Variants in NTNG1 observed in about 807,000 individuals in gnomAD.
The protein encoded by NTNG1 is netrin-G1.
A neutral mutation model predicts 54.0 loss-of-function variants in NTNG1; 16 were observed. The ratio of observed to expected loss-of-function variants is 0.30; its 90% CI spans 0.20 to 0.45. The LOEUF is 0.45. Among genes scored for constraint, NTNG1 ranks in the 20% least tolerant of loss-of-function variants. NTNG1 has a pLI of 1.00. For missense variants in NTNG1, 530 were observed against 678.7 expected (o/e 0.78, Z 2.43); for synonymous variants, 255 against 263.1 (o/e 0.97, Z 0.30).
At chr1:107,242,414 C>T (rs1296250737) in intron 2 of NTNG1, among the ~76,000 whole-genome samples, 1 of 152,170 alleles carries the variant, frequency 6.6e-6, no homozygotes, top group Non-Finnish European at 1.5e-5. Context: ...TATATCCAAA[C>T]ACCGTCTAAC....
At chr1:107,331,982 TAATTAAA>T (rs1668308903) in intron 3 of NTNG1, among the ~76,000 whole-genome samples, 1 of 152,088 alleles carries the variant, frequency 6.6e-6, no homozygotes, top group Non-Finnish European at 1.5e-5. Flanking sequence ...ATGGTAATCA[TAATTAAA>T]AATTAAAAAC....
chr1:107,169,938 G>A (rs1039256524), intron 2 of NTNG1, among the ~76,000 whole-genome samples: 1 of 152,192 alleles, frequency 6.6e-6, no homozygotes. Context: ...GACTAAAGCT[G>A]CTGTCCACAG....
At chr1:107,381,554 A>G (rs1029176593) in intron 3 of NTNG1, among the ~76,000 whole-genome samples, 6 of 152,178 alleles carry the variant, frequency 3.9e-5, no homozygotes, top group Non-Finnish European at 7.3e-5. Context: ...AGGCCAGGCC[A>G]TAAGTTGCAG....
intron 2 of NTNG1, among the ~76,000 whole-genome samples, chr1:107,185,507 G>T (rs192432988): frequency 6.6e-6 from 1 of 152,064 alleles, no homozygotes; most frequent in East Asian, 1.9e-4. Context: ...TTGGAATTAG[G>T]GTCCATCCTA....
chr1:107,251,428 A>T (rs977742613), intron 2 of NTNG1, among the ~76,000 whole-genome samples: 3 of 152,128 alleles, frequency 2.0e-5, no homozygotes, highest in Non-Finnish European at 4.4e-5. Flanking sequence ...TTAAATTGGA[A>T]TCACCATTCT....
intron 4 of NTNG1, among the ~76,000 whole-genome samples, chr1:107,399,122 C>T (rs1271853869): frequency 6.7e-6 from 1 of 149,646 alleles, no homozygotes; most frequent in African/African-American, 2.4e-5. Context: ...ATACTATAGA[C>T]TATTCATATT....
chr1:107,387,214 G>A (rs1260608496), intron 3 of NTNG1, among the ~76,000 whole-genome samples: 1 of 152,184 alleles, frequency 6.6e-6, no homozygotes, highest in African/African-American at 2.4e-5. Flanking sequence ...TTGTATGAAT[G>A]CACCAATTAG....
intron 2 of NTNG1, among the ~76,000 whole-genome samples, chr1:107,323,376 T>A (rs1557898820): frequency 6.6e-6 from 1 of 152,146 alleles, no homozygotes. Context: ...TGTTGTAACT[T>A]GTAATATAAC....
At chr1:107,461,383 G>C (rs1677271271) in intron 7 of NTNG1, among the ~76,000 whole-genome samples, 1 of 152,190 alleles carries the variant, frequency 6.6e-6, no homozygotes, top group South Asian at 2.1e-4. Context: ...AGGCAGGAAG[G>C]AGCTGGGCCA....
At chr1:107,352,058 C>T (rs1669649447) in intron 3 of NTNG1, among the ~76,000 whole-genome samples, 1 of 152,278 alleles carries the variant, frequency 6.6e-6, no homozygotes. Flanking sequence ...CCATGGGCAG[C>T]TCCATCTTTG....
chr1:107,472,538 G>A (rs556905548), intron 7 of NTNG1, among the ~76,000 whole-genome samples: 5 of 152,218 alleles, frequency 3.3e-5, no homozygotes, highest in African/African-American at 9.6e-5. Context: ...TTGGACAAAC[G>A]CATGGATGAG....
chr1:107,464,799 ACT>A (rs1677499385), intron 7 of NTNG1, among the ~76,000 whole-genome samples: 2 of 152,246 alleles, frequency 1.3e-5, no homozygotes, highest in African/African-American at 4.8e-5. Context: ...TTCATTCATC[ACT>A]CTGATACAAG....
intron 3 of NTNG1, among the ~76,000 whole-genome samples, chr1:107,358,196 A>G (rs1321555298): frequency 6.6e-6 from 1 of 152,062 alleles, no homozygotes; most frequent in African/African-American, 2.4e-5. Context: ...CTTTGTGGGG[A>G]AAAATGCAAT....
At chr1:107,299,381 A>C (rs1369553002) in intron 2 of NTNG1, among the ~76,000 whole-genome samples, 4 of 152,202 alleles carry the variant, frequency 2.6e-5, no homozygotes, top group African/African-American at 4.8e-5. Context: ...GTTTAATTTG[A>C]AGCGTTTTTT....
At chr1:107,167,479 A>ATTTT (rs1655890111) in intron 2 of NTNG1, among the ~76,000 whole-genome samples, 2 of 151,752 alleles carry the variant, frequency 1.3e-5, no homozygotes, top group Non-Finnish European at 2.9e-5. Context: ...ATATAAAAAT[A>ATTTT]ATATGTATTT....
intron 2 of NTNG1, among the ~76,000 whole-genome samples, chr1:107,275,453 C>T (rs965094730): frequency 6.6e-6 from 1 of 152,104 alleles, no homozygotes; most frequent in Non-Finnish European, 1.5e-5. Flanking sequence ...ATTACAGAGG[C>T]TGACAAGTCC....
rs554446693 is a variant in NTNG1 at position 107,290,013 on chromosome 1, C to T, written c.247-34269C>T. Reference sequence around the variant, plus strand: ...GACCTCAACATATGAAAAAACCATCCTTGACATTTCTGTATTTATTTCAAC... The same window carrying T: ...GACCTCAACATATGAAAAAACCATCTTTGACATTTCTGTATTTATTTCAAC... On this transcript the variant is annotated intron_variant, in intron 2 of 7. Transcript: ENST00000370068. Among the ~76,000 whole-genome samples, 29 of 152,228 alleles carry T rather than the reference C, an allele frequency of 1.9e-4. No homozygotes were observed. The South Asian group carries it at 5.8e-3, about 30-fold the overall frequency.
intron 2 of NTNG1, among the ~76,000 whole-genome samples, chr1:107,230,123 C>A (rs950871667): frequency 1.3e-5 from 2 of 152,092 alleles, no homozygotes; most frequent in South Asian, 2.1e-4. Context: ...GGGACCTACT[C>A]AAAAATGTGT....
chr1:107,272,637 C>A (rs1358944920), intron 2 of NTNG1, among the ~76,000 whole-genome samples: 1 of 152,100 alleles, frequency 6.6e-6, no homozygotes, highest in East Asian at 1.9e-4. Context: ...TCAGAAGCAG[C>A]CGTCAACCCC....
Sources: allele counts gnomAD v4.1 joint callset (sites outside exome capture counted in the v4.1 genomes callset), GRCh38; gene constraint gnomAD v4.1.1; transcripts MANE v1.5; gene names NCBI Gene and HGNC (gene_info 2026-07-23, HGNC 2026-07-21).